Variants in TENM3 observed in about 807,000 individuals in gnomAD.
TENM3 encodes teneurin transmembrane protein 3, also known as teneurin-3.
TENM3 carries 63 observed loss-of-function variants against 255.1 expected under a neutral mutation model. The observed-to-expected ratio is 0.25, with a 90% CI of 0.20 to 0.30. The LOEUF is 0.30. TENM3 is among the 10% of genes least tolerant of loss of function. The pLI is 1.00. For missense variants in TENM3, 2,929 were observed against 3,461.1 expected (o/e 0.85, Z 3.86); for synonymous variants, 1,306 against 1,322.3 (o/e 0.99, Z 0.27).
At chr4:181,762,311 T>C in the TENM3 span, among the ~76,000 whole-genome samples, 1 of 152,140 alleles carries the variant, frequency 6.6e-6, no homozygotes, top group Admixed American at 6.6e-5. Flanking sequence ...TAGCACAGGA[T>C]AAAAGTTTGA....
chr4:181,902,047 T>C, the TENM3 span, among the ~76,000 whole-genome samples: 1 of 152,118 alleles, frequency 6.6e-6, no homozygotes, highest in Admixed American at 6.5e-5. Context: ...CAGAAACGTA[T>C]GGCTTTGCAT....
chr4:182,259,479 T>G (rs1758641493), intron 1 of TENM3, among the ~76,000 whole-genome samples: 1 of 152,030 alleles, frequency 6.6e-6, no homozygotes, highest in Non-Finnish European at 1.5e-5. Context: ...ACCTGGCTAA[T>G]TTTTAAATTT....
chr4:182,204,852 G>A (rs1349622461), intron 1 of TENM3, among the ~76,000 whole-genome samples: 1 of 152,166 alleles, frequency 6.6e-6, no homozygotes, highest in African/African-American at 2.4e-5. Flanking sequence ...ATATACAAAT[G>A]TATATGTTTG....
At chr4:182,756,578 G>A (rs1200657435) in intron 22 of TENM3, among the ~76,000 whole-genome samples, 5 of 152,140 alleles carry the variant, frequency 3.3e-5, no homozygotes, top group Non-Finnish European at 7.4e-5. Flanking sequence ...ATGATACGGT[G>A]AAGCAAAGGT....
intron 1 of TENM3, among the ~76,000 whole-genome samples, chr4:182,258,443 C>A (rs574499146): frequency 1.3e-5 from 2 of 152,220 alleles, no homozygotes; most frequent in South Asian, 2.1e-4. Flanking sequence ...TCAGTACATA[C>A]AAACGCTCAT....
At chr4:182,527,732 G>GC (rs1553974025) in intron 3 of TENM3, among the ~76,000 whole-genome samples, 2 of 151,356 alleles carry the variant, frequency 1.3e-5, no homozygotes, top group Non-Finnish European at 2.9e-5. Context: ...TGTTGTTTTT[G>GC]TTTTTTTTGT....
the TENM3 span, among the ~76,000 whole-genome samples, chr4:182,100,650 C>CAT: frequency 0.29 from 10,279 of 35,508 alleles, 692 homozygotes; most frequent in Non-Finnish European, 0.34. Context: ...TATATATACA[C>CAT]ATATATACAC....
At chr4:182,442,430 C>T (rs1010021671) in intron 3 of TENM3, among the ~76,000 whole-genome samples, 1 of 152,302 alleles carries the variant, frequency 6.6e-6, no homozygotes, top group Non-Finnish European at 1.5e-5. Context: ...GATCTATGCA[C>T]GGCTATTGCC....
At chr4:181,823,370 C>A in the TENM3 span, among the ~76,000 whole-genome samples, 1 of 152,088 alleles carries the variant, frequency 6.6e-6, no homozygotes, top group East Asian at 1.9e-4. Flanking sequence ...TCCTCCTCCT[C>A]TGTAAAGAGT....
the TENM3 span, among the ~76,000 whole-genome samples, chr4:181,761,155 C>CT: frequency 2.3e-4 from 35 of 152,026 alleles, no homozygotes; most frequent in Non-Finnish European, 4.4e-4. Flanking sequence ...TTTTATTGAT[C>CT]TTTTTATTTT....
chr4:181,928,642 C>A, the TENM3 span, among the ~76,000 whole-genome samples: 4 of 152,044 alleles, frequency 2.6e-5, no homozygotes, highest in Admixed American at 2.0e-4. Flanking sequence ...CCCAGCCTAG[C>A]AAGACAGGCC....
intron 3 of TENM3, among the ~76,000 whole-genome samples, chr4:182,561,559 A>G (rs1235145123): frequency 6.6e-6 from 1 of 151,826 alleles, no homozygotes; most frequent in African/African-American, 2.4e-5. Flanking sequence ...TGTTTTTTCT[A>G]AATGTTTGCA....
At chr4:181,995,136 G>A in the TENM3 span, among the ~76,000 whole-genome samples, 1,550 of 151,912 alleles carry the variant, frequency 0.01, 27 homozygotes, top group African/African-American at 0.035. Flanking sequence ...TAAAAGTACA[G>A]AAAATTAGCT....
At chr4:182,001,837 T>C in the TENM3 span, among the ~76,000 whole-genome samples, 8 of 152,134 alleles carry the variant, frequency 5.3e-5, no homozygotes, top group African/African-American at 1.9e-4. Context: ...TTTTATTCTA[T>C]ATGAGAGACC....
intron 1 of TENM3, among the ~76,000 whole-genome samples, chr4:182,192,326 C>T (rs1188947622): frequency 6.6e-6 from 1 of 152,194 alleles, no homozygotes; most frequent in Non-Finnish European, 1.5e-5. Context: ...AACTTATTTT[C>T]TTAGATTGTA....
At chr4:182,574,587 A>G (rs1393024616) in intron 3 of TENM3, among the ~76,000 whole-genome samples, 1 of 152,160 alleles carries the variant, frequency 6.6e-6, no homozygotes, top group Non-Finnish European at 1.5e-5. Flanking sequence ...AAAACACATT[A>G]AAATGTATTA....
the TENM3 span, among the ~76,000 whole-genome samples, chr4:181,826,079 G>A: frequency 1.3e-5 from 2 of 152,060 alleles, no homozygotes; most frequent in African/African-American, 4.8e-5. Context: ...TAAACATCCA[G>A]CACAAATTTG....
intron 3 of TENM3, among the ~76,000 whole-genome samples, chr4:182,452,924 T>C (rs1773584547): frequency 6.6e-6 from 1 of 152,194 alleles, no homozygotes; most frequent in Admixed American, 6.5e-5. Context: ...AATTGAGTTC[T>C]CTTGTTGGGT....
chr4:181,823,048 TGAG>T, the TENM3 span, among the ~76,000 whole-genome samples: 7 of 152,180 alleles, frequency 4.6e-5, no homozygotes, highest in African/African-American at 1.7e-4. Context: ...TTGAGACAGA[TGAG>T]AAGCGATTAG....
Sources: allele counts gnomAD v4.1 joint callset (sites outside exome capture counted in the v4.1 genomes callset), GRCh38; gene constraint gnomAD v4.1.1; transcripts MANE v1.5; gene names NCBI Gene and HGNC (gene_info 2026-07-23, HGNC 2026-07-21).